ERN1: variants seen among roughly 807,000 people sequenced by gnomAD.
The protein encoded by ERN1 is serine/threonine-protein kinase/endoribonuclease IRE1.
Under a neutral mutation model 113.1 loss-of-function variants are expected in ERN1, and 39 were observed. The ratio of observed to expected loss-of-function variants is 0.34; its 90% CI spans 0.27 to 0.45. The LOEUF (loss-of-function observed/expected upper bound fraction) is 0.45. ERN1 is among the 20% of genes least tolerant of loss of function. The probability of loss-of-function intolerance (pLI) is 1.00; values close to 1 mark genes in which losing one functional copy is unlikely to be tolerated. For synonymous variants in ERN1, 507 were observed against 515.9 expected (o/e 0.98, Z 0.23); for missense variants, 976 against 1,274.8 (o/e 0.77, Z 3.57).
intron 17 of ERN1, among the ~76,000 whole-genome samples, chr17:64,051,010 A>G (rs762136040): frequency 6.6e-6 from 1 of 152,184 alleles, no homozygotes; most frequent in Non-Finnish European, 1.5e-5. Context: ...GTGCGCTCCC[A>G]GCAAATGGAT....
chr17:64,054,138 C>T lies in ERN1; in HGVS notation c.1953+112G>A. 1 of 964,492 alleles carries T rather than the reference C, an allele frequency of 1.0e-6. No homozygotes were observed. 59.7% of individuals were successfully genotyped at this position (964,492 alleles called of 1,614,324 possible). A position where few individuals can be genotyped will look rare whatever the true frequency, so the allele number is the denominator to read the frequency against. On this transcript the variant is annotated intron_variant, in intron 15 of 21. Coordinates refer to ENST00000433197, the MANE Select transcript of ERN1 (RefSeq NM_001433.5). The surrounding 1 kb of genome is among the most constrained non-coding windows in gnomAD (Gnocchi z 4.9). The stretch of plus-strand genomic sequence containing the variant: ...GTTTCTTTGTAGAGATGGGGTTTCA[C>T]CATGTTGTCCAGGCTGGTCTCAAAC...
Position 64,054,889 on chromosome 17 carries a change from T to G in ERN1, c.1673-61A>C. On this transcript the variant is annotated intron_variant, in intron 13 of 21. Coordinates refer to ENST00000433197, the MANE Select transcript of ERN1 (RefSeq NM_001433.5). The surrounding 1 kb of genome is among the most constrained non-coding windows in gnomAD (Gnocchi z 4.9). ...AGATATCACCTAAAGAACCTTGAGG[T>G]TAACATAGTGACAAGCTTCCTGACC... is the stretch of plus-strand genomic sequence containing the variant. 5 of 1,276,662 alleles carry G rather than the reference T, an allele frequency of 3.9e-6. No homozygotes were observed. In the South Asian group the frequency reaches 6.6e-5, roughly 17 times the overall value. 79.1% of individuals were successfully genotyped at this position (1,276,662 alleles called of 1,614,324 possible). A position where few individuals can be genotyped will look rare whatever the true frequency, so the allele number is the denominator to read the frequency against.
chr17:64,110,895 G>A (rs1262228982), intron 1 of ERN1, among the ~76,000 whole-genome samples: 3 of 152,192 alleles, frequency 2.0e-5, no homozygotes, highest in Non-Finnish European at 4.4e-5. Context: ...GTTGAGGCTC[G>A]AAAACAGGAC....
At chr17:64,110,973 A>G (rs1914656304) in intron 1 of ERN1, among the ~76,000 whole-genome samples, 1 of 152,184 alleles carries the variant, frequency 6.6e-6, no homozygotes, top group Non-Finnish European at 1.5e-5. Flanking sequence ...CAGCTTATCA[A>G]GTGGTCGGCA....
intron 3 of ERN1, 55 bp from the exon 4 acceptor site, chr17:64,079,789 A>G: frequency 6.9e-7 from 1 of 1,459,592 alleles, no homozygotes; most frequent in South Asian, 1.2e-5. Flanking sequence ...GCATGGAACA[A>G]CATACCAAAG....
rs1033610611 is a variant in ERN1 at position 64,063,921 on chromosome 17, C to A, written c.1087+65G>T. 1 of 1,509,980 alleles carries A rather than the reference C, an allele frequency of 6.6e-7. No individual in the cohort carries two copies. The highest frequency in any genetic ancestry group is 9.1e-7 in the Non-Finnish European group (1 of 1,100,672). 93.5% of individuals were successfully genotyped at this position (1,509,980 alleles called of 1,614,324 possible). ...CTCAGTACGGTGTAACTACCAGGGC[C>A]GGCGGTCGCCCACCAGGAGGCAGCA... is the stretch of plus-strand genomic sequence containing the variant. On this transcript the variant is annotated intron_variant, in intron 10 of 21. Transcript: ENST00000433197. This position sits in a 1 kb window ranked among gnomAD's most constrained non-coding sequence, Gnocchi z 5.1.
rs760518722 is a variant in ERN1 at position 64,075,155 on chromosome 17, C to T, written c.355+20G>A. Reference sequence around the variant, plus strand: ...ACTTACATCAAAGAGACACAAGTTTCTGGAGACAGGAACTCTTACCCATGT... The same window carrying T: ...ACTTACATCAAAGAGACACAAGTTTTTGGAGACAGGAACTCTTACCCATGT... On this transcript the variant is annotated intron_variant, in intron 5 of 21. Transcript: ENST00000433197. 4 of 1,537,106 alleles carry T rather than the reference C, an allele frequency of 2.6e-6. No homozygotes were observed. The East Asian group carries it at 9.9e-5, about 38-fold the overall frequency.
chr17:64,098,282 C>A (rs1914285133), intron 1 of ERN1, 41 bp from the exon 2 acceptor site: 1 of 1,613,070 alleles, frequency 6.2e-7, no homozygotes, highest in Non-Finnish European at 8.5e-7. Context: ...TGATATGATT[C>A]TTCACCTTGG....
In ERN1 at chr17:64,065,277, A is replaced by G. The variant is rs1913184635; in HGVS notation, c.853T>C (p.Tyr285His). ...AGGCTGGTAGAGTATTTCCCAACAT[A>G]CAGAGTGGGCCTAGGAGAAAAACAG... is the stretch of plus-strand genomic sequence containing the variant. ...EAKSKLTPTL[Y>H]VGKYSTSLYA... The change falls in exon 9 of 22, where the codon TAT becomes CAT. Residue 285 changes from tyrosine to histidine, a missense_variant. By Grantham distance (83) the Tyr-to-His change is moderately conservative. This residue lies in a region of ERN1 where 459 missense variants were observed against 581.2 expected (regional missense o/e 0.79). Transcript: ENST00000433197. The G allele has an allele frequency of 6.2e-7, 1 of 1,603,352 alleles. No homozygotes were observed. Among genetic ancestry groups the G allele is most frequent in the Non-Finnish European group, 8.5e-7 (1 of 1,174,604 alleles).
intron 15 of ERN1, 75 bp from the exon 16 acceptor site, chr17:64,053,446 C>G: frequency 9.8e-7 from 1 of 1,024,242 alleles, no homozygotes; most frequent in African/African-American, 1.6e-5. Flanking sequence ...TTCTTTGATA[C>G]CATTTTAAGA....
chr17:64,126,538 C>T (rs1296657571), intron 1 of ERN1, among the ~76,000 whole-genome samples: 1 of 152,006 alleles, frequency 6.6e-6, no homozygotes, highest in South Asian at 2.1e-4. Context: ...AACTCTCTCT[C>T]GAATAACTCT....
rs1316010271 is a variant in ERN1 at position 64,045,480 on chromosome 17, G to A, written c.2532C>T (p.Asp844=). ...ATTCCTTTTCTATTCTGTCGCTCAC[G>A]TCCTGTGAGAGAAACAAGGGCAGCA... ...SLEKQLQFFQ[D]VSDRIEKESL... is the part of the protein sequence containing the mutation. The change falls in exon 20 of 22, where the codon GAC becomes GAT. Residue 844 remains aspartate (D), a splice_region_variant and synonymous_variant. Coordinates refer to ENST00000433197, the MANE Select transcript of ERN1 (RefSeq NM_001433.5). 23 of 1,613,750 alleles carry A rather than the reference G, an allele frequency of 1.4e-5. No homozygotes were observed. The highest frequency in any genetic ancestry group is 1.3e-4 in the Admixed American group (8 of 59,988).
In ERN1 at chr17:64,049,224, G is replaced by T; in HGVS notation, c.2254-22C>A. 6.4e-7 allele frequency: 1 copy of T among 1,556,502 alleles called. No individual in the cohort carries two copies. The highest frequency in any genetic ancestry group is 1.2e-5 in the South Asian group (1 of 85,712). On this transcript the variant is annotated intron_variant, in intron 17 of 21. Transcript: ENST00000433197. This position sits in a 1 kb window ranked among gnomAD's most constrained non-coding sequence, Gnocchi z 4.7. Reference sequence around the variant, plus strand: ...AGGTCTGAAAAGAGACATGAGGCGTGAGAGGTCTGGGAGCAGAGTTTTCAT... The same window carrying T: ...AGGTCTGAAAAGAGACATGAGGCGTTAGAGGTCTGGGAGCAGAGTTTTCAT...
chr17:64,128,311 T>C (rs974017397), intron 1 of ERN1, among the ~76,000 whole-genome samples: 3 of 152,058 alleles, frequency 2.0e-5, no homozygotes, highest in Non-Finnish European at 4.4e-5. Context: ...GGGCCCGGCC[T>C]GACCTTTCAC....
Position 64,044,740 on chromosome 17 carries a change from T to C in ERN1, c.2721+120A>G. ...TTTGCCAAGTCCAGCTGAAGCCGCCTAGCTCCTGAGAGATGAGAATGCCAG... is the reference window on the plus strand; with the variant it reads ...TTTGCCAAGTCCAGCTGAAGCCGCCCAGCTCCTGAGAGATGAGAATGCCAG... On this transcript the variant is annotated intron_variant, in intron 21 of 21. Coordinates refer to ENST00000433197, the MANE Select transcript of ERN1 (RefSeq NM_001433.5). The surrounding 1 kb of genome is among the most constrained non-coding windows in gnomAD (Gnocchi z 4.1). 2.8e-6 allele frequency: 2 copies of C among 722,302 alleles called. No individual in the cohort carries two copies. Among genetic ancestry groups the C allele is most frequent in the Non-Finnish European group, 4.7e-6 (2 of 423,892 alleles). The allele number at this position is 722,302 out of a possible 1,614,324, so 44.7% of individuals were successfully genotyped here.
At position 64,057,816 on chromosome 17, in the gene ERN1, T is replaced by G. The variant is rs1912921089; in HGVS notation, c.1384A>C (p.Ile462Leu). The G allele has an allele frequency of 6.2e-7, 1 of 1,613,592 alleles. No homozygotes were observed. The highest frequency in any genetic ancestry group is 1.7e-5 in the Admixed American group (1 of 60,012). ...FLLIGWVAFI[I>L]TYPLSMHQQQ... ...TTGAGCTTTACCAGGGGATAGGTGA[T>G]GATGAAGGCCACCCAGCCAATCAGC... The change falls in exon 12 of 22, where the codon ATC (isoleucine) becomes CTC (leucine). Residue 462 changes from isoleucine to leucine, a missense_variant. Ile to Leu is a conservative substitution (Grantham distance 5, BLOSUM62 2). Around this residue, in one of 5 missense-constraint regions of ERN1, gnomAD observed 16 missense variants for 42.3 expected, o/e 0.38. Coordinates refer to ENST00000433197, the MANE Select transcript of ERN1 (RefSeq NM_001433.5).
At chr17:64,047,124 T>C (rs1912536591) in intron 19 of ERN1, among the ~76,000 whole-genome samples, 1 of 152,176 alleles carries the variant, frequency 6.6e-6, no homozygotes, top group South Asian at 2.1e-4. Context: ...TTTGGGAGGC[T>C]GAGGCGGGCA....
rs112833720 is a variant in ERN1 at position 64,075,580 on chromosome 17, G to T, written c.283-333C>A. ...CCCAAGTAGCTGGGATTACAGGCATGTTGCCACTACACCCAGCTAATTTTC... is the reference window on the plus strand; with the variant it reads ...CCCAAGTAGCTGGGATTACAGGCATTTTGCCACTACACCCAGCTAATTTTC... On this transcript the variant is annotated intron_variant, in intron 4 of 21. Transcript: ENST00000433197. Among the ~76,000 whole-genome samples, 11 of 152,124 alleles carry T rather than the reference G, an allele frequency of 7.2e-5. No homozygotes were observed. In the East Asian group the frequency reaches 1.9e-3, roughly 27 times the overall value.
At chr17:64,096,922 A>G (rs1914246370) in intron 2 of ERN1, among the ~76,000 whole-genome samples, 2 of 152,240 alleles carry the variant, frequency 1.3e-5, no homozygotes, top group African/African-American at 4.8e-5. Flanking sequence ...ACATGCCCTA[A>G]CATTCCACAG....
Sources: gnomAD v4.1 joint callset for allele counts (sites outside exome capture counted in the v4.1 genomes callset) on GRCh38, gnomAD v4.1.1 for gene constraint, gnomAD v4.1.1 regional missense constraint, Gnocchi (gnomAD v3.1) non-coding constraint, MANE v1.5 for transcripts, NCBI Gene and HGNC (gene_info 2026-07-23, HGNC 2026-07-21) for gene names.